The following PABIR2 variants were observed in gnomAD, a reference collection of about 807,000 sequenced individuals.
The protein encoded by PABIR2 is PABIR family member 2, also known as family with sequence similarity 122B.
In PABIR2, 7 loss-of-function variants were observed where a neutral mutation model predicts 22.8. The ratio of observed to expected loss-of-function variants is 0.31; its 90% CI spans 0.17 to 0.58. The LOEUF is 0.58. Ranked by LOEUF, PABIR2 falls within the 20% of genes least tolerant of loss-of-function variation. The pLI is 0.89. For missense variants in PABIR2, 155 were observed against 205.1 expected, an observed-to-expected ratio of 0.76 and a Z score of 1.49; for synonymous variants, 67 against 73.8, an observed-to-expected ratio of 0.91 and a Z score of 0.47.
At position 134,771,138 on chromosome X, in the gene PABIR2, C is replaced by T; in HGVS notation, c.*1001G>A. 2.5e-6 allele frequency: 1 copy of T among 396,747 alleles called. No individual in the cohort carries two copies. The highest frequency in any genetic ancestry group is 9.1e-5 in the South Asian group (1 of 10,988). 32.7% of individuals were successfully genotyped at this position (396,747 alleles called of 1,213,427 possible). On this transcript the variant is annotated 3_prime_UTR_variant, in exon 10 of 10. Transcript: ENST00000343004. Reference sequence around the variant, plus strand: ...AGAAACAGTATGTGGCAATCATTCACATAAGGCCCCTCTTCCACCATACCT... The same window carrying T: ...AGAAACAGTATGTGGCAATCATTCATATAAGGCCCCTCTTCCACCATACCT...
At position 134,771,604 on chromosome X, in the gene PABIR2, GA is replaced by G. The variant is rs2078839418; in HGVS notation, c.*534del. The G allele has an allele frequency of 1.1e-6, 1 of 887,243 alleles. No individual in the cohort carries two copies. The highest frequency in any genetic ancestry group is 6.0e-5 in the South Asian group (1 of 16,725). The allele number at this position is 887,243 out of a possible 1,213,427, so 73.1% of individuals were successfully genotyped here. A position where few individuals can be genotyped will look rare whatever the true frequency, so the allele number is the denominator to read the frequency against. On this transcript the variant is annotated 3_prime_UTR_variant, in exon 10 of 10. Transcript: ENST00000343004. ...GAAATGGCATAAGCGGCTCAAACAG[GA>G]AAGGGAAACAAAATAATGTACTTGA...
At chrX:134,789,729 T>A (rs2079490832) in intron 2 of PABIR2, 93 bp from the exon 3 acceptor site, 1 of 754,659 alleles carries the variant, frequency 1.3e-6, no homozygotes, top group Admixed American at 3.6e-5. Flanking sequence ...TAGGTAAGTT[T>A]TCATATTCTT....
At chrX:134,791,371 G>A (rs1385740335) in intron 2 of PABIR2, among the ~76,000 whole-genome samples, 1 of 110,972 alleles carries the variant, frequency 9.0e-6, no homozygotes, top group African/African-American at 3.3e-5. Context: ...GGTAGAAGCA[G>A]CATGATTACA....
In PABIR2 at chrX:134,770,767, C is replaced by T. The variant is rs774281698; in HGVS notation, c.*1372G>A. The T allele has an allele frequency of 8.9e-6, 1 of 112,937 alleles. No individual in the cohort carries two copies. Among genetic ancestry groups the T allele is most frequent in the Non-Finnish European group, 1.9e-5 (1 of 53,368 alleles). 9.3% of individuals were successfully genotyped at this position (112,937 alleles called of 1,213,427 possible). A position where few individuals can be genotyped will look rare whatever the true frequency, so the allele number is the denominator to read the frequency against. ...GATCACACTCAGATTTCTTAAACAG[C>T]TCACTCAGGAGTTTCCTCTTTTAAA... On this transcript the variant is annotated 3_prime_UTR_variant, in exon 10 of 10. Transcript: ENST00000343004.
intron 8 of PABIR2, among the ~76,000 whole-genome samples, chrX:134,785,446 A>ATTC (rs2079285124): frequency 9.6e-6 from 1 of 104,306 alleles, no homozygotes; most frequent in Non-Finnish European, 2.0e-5. Context: ...ATCACAGTCA[A>ATTC]TTTTTTTTTT....
At chrX:134,777,612 G>A (rs374070294) in intron 9 of PABIR2, among the ~76,000 whole-genome samples, 4 of 109,730 alleles carry the variant, frequency 3.6e-5, no homozygotes, top group East Asian at 2.9e-4. Flanking sequence ...CGAGGCGGGT[G>A]GATCACCTGA....
intron 8 of PABIR2, among the ~76,000 whole-genome samples, chrX:134,785,298 G>A (rs1405682941): frequency 2.7e-5 from 3 of 111,585 alleles, no homozygotes; most frequent in Non-Finnish European, 5.6e-5. Context: ...AGCTTGGCTA[G>A]GTATAAGACC....
rs745441825 is a variant in PABIR2 at position 134,789,230 on chromosome X, G to C, written c.271C>G (p.His91Asp). The C allele has an allele frequency of 4.2e-5, 51 of 1,210,928 alleles. No homozygotes were observed. Among genetic ancestry groups the C allele is most frequent in the Non-Finnish European group, 5.4e-5 (48 of 895,459 alleles). ...GLDMVNRETA[H>D]EREMQTAMQI... ...CTCTTGCAAAGCACTAACCTTTCAT[G>C]TGCAGTTTCTCTGTTCACCATATCC... The change falls in exon 4 of 10, where the codon CAT becomes GAT. Residue 91 changes from histidine (H) to aspartate (D), a missense_variant. By Grantham distance (81) the His-to-Asp change is moderately conservative (BLOSUM62 -1). Transcript: ENST00000343004.
At chrX:134,794,188 T>C (rs2079632616) in intron 1 of PABIR2, 1 of 179,551 alleles carries the variant, frequency 5.6e-6, no homozygotes, top group East Asian at 2.6e-4. Flanking sequence ...TGGTCAGAGC[T>C]ACGCCCCCAA....
chrX:134,777,724 T>C (rs2079023893), intron 9 of PABIR2, among the ~76,000 whole-genome samples: 1 of 108,917 alleles, frequency 9.2e-6, no homozygotes, highest in Admixed American at 9.8e-5. Flanking sequence ...TAATCCCAGC[T>C]GCTCTCGAGG....
intron 2 of PABIR2, chrX:134,791,682 G>A (rs769361993): frequency 9.1e-6 from 3 of 331,053 alleles, no homozygotes; most frequent in Middle Eastern, 4.4e-4. Flanking sequence ...TCAAGGCAAA[G>A]AAAGCTGACA....
At chrX:134,783,100 C>T (rs1374487450) in intron 8 of PABIR2, among the ~76,000 whole-genome samples, 1 of 112,173 alleles carries the variant, frequency 8.9e-6, no homozygotes, top group Non-Finnish European at 1.9e-5. Context: ...ACAATAATAG[C>T]TTTATTTCCA....
chrX:134,784,357 C>T (rs764778478), intron 8 of PABIR2, among the ~76,000 whole-genome samples: 5 of 108,638 alleles, frequency 4.6e-5, no homozygotes, highest in African/African-American at 1.7e-4. Context: ...CCCAGCTACT[C>T]GGGAGACTGA....
chrX:134,783,048 C>T (rs1386602315), intron 8 of PABIR2, among the ~76,000 whole-genome samples: 1 of 111,727 alleles, frequency 9.0e-6, no homozygotes, highest in Non-Finnish European at 1.9e-5. Flanking sequence ...ATACTAATTC[C>T]TTCAACTTCC....
At chrX:134,791,385 T>C (rs1460119909) in intron 2 of PABIR2, among the ~76,000 whole-genome samples, 1 of 110,465 alleles carries the variant, frequency 9.1e-6, no homozygotes, top group Non-Finnish European at 1.9e-5. Context: ...GATTACAAAC[T>C]GGCCAGAAAT....
At chrX:134,777,299 C>G (rs1264232272) in intron 9 of PABIR2, among the ~76,000 whole-genome samples, 1 of 111,220 alleles carries the variant, frequency 9.0e-6, no homozygotes, top group Non-Finnish European at 1.9e-5. Context: ...GGCCAAGGCA[C>G]GCAGATCACT....
At chrX:134,776,085 AGTGTGT>A (rs35944652) in intron 9 of PABIR2, among the ~76,000 whole-genome samples, 6 of 107,999 alleles carry the variant, frequency 5.6e-5, no homozygotes, top group Admixed American at 9.8e-5. Flanking sequence ...ACATCTCTAA[AGTGTGT>A]GTGTGTGTGT....
intron 3 of PABIR2, 33 bp from the exon 4 acceptor site, chrX:134,789,299 G>A: frequency 8.3e-7 from 1 of 1,205,923 alleles, no homozygotes; most frequent in Non-Finnish European, 1.1e-6. Flanking sequence ...TAAAAAGGCA[G>A]GATCACTGAC....
At chrX:134,793,578 AAAT>A (rs1446747886) in intron 2 of PABIR2, 2 of 472,373 alleles carry the variant, frequency 4.2e-6, no homozygotes, top group Non-Finnish European at 7.7e-6. Flanking sequence ...AAGTAGTGAC[AAAT>A]AATAATGAAC....
Sources: gnomAD v4.1 joint callset for allele counts (sites outside exome capture counted in the v4.1 genomes callset) on GRCh38, gnomAD v4.1.1 for gene constraint, MANE v1.5 for transcripts, NCBI Gene and HGNC (gene_info 2026-07-23, HGNC 2026-07-21) for gene names.